CNKSR3: variants seen among roughly 807,000 people sequenced by gnomAD.
CNKSR3 encodes connector enhancer of kinase suppressor of ras 3.
In CNKSR3, 36 loss-of-function variants were observed where a neutral mutation model predicts 67.7. The observed-to-expected ratio is 0.53, with a 90% confidence interval of 0.41 to 0.70. The LOEUF is 0.70. Among genes scored for constraint, CNKSR3 ranks in the 30% least tolerant of loss-of-function variants. The pLI is 0.00. For missense variants in CNKSR3, 630 were observed against 695.2 expected (o/e 0.91, Z 1.05); for synonymous variants, 281 against 271.4 (o/e 1.04, Z -0.35).
At chr6:154,468,703 G>A (rs143034206) in intron 1 of CNKSR3, among the ~76,000 whole-genome samples, 3 of 151,970 alleles carry the variant, frequency 2.0e-5, no homozygotes, top group South Asian at 2.1e-4. Context: ...AAGAACGAAC[G>A]CCTCCCCACA....
chr6:154,490,255 T>C (rs1562356123), intron 1 of CNKSR3, among the ~76,000 whole-genome samples: 1 of 152,212 alleles, frequency 6.6e-6, no homozygotes, highest in East Asian at 1.9e-4. Context: ...TCCCCTACAG[T>C]AGGGTGACTG....
intron 11 of CNKSR3, among the ~76,000 whole-genome samples, chr6:154,410,648 T>C (rs780239011): frequency 1.1e-4 from 16 of 152,034 alleles, no homozygotes; most frequent in Non-Finnish European, 1.2e-4. Flanking sequence ...AGCCTGTGAG[T>C]CTACAGAGCA....
At chr6:154,422,882 G>A (rs773897708) in intron 8 of CNKSR3, 33 bp downstream of exon 8, 1 of 1,516,236 alleles carries the variant, frequency 6.6e-7, no homozygotes, top group Non-Finnish European at 9.0e-7. Context: ...AAAGTTTTAA[G>A]GAGGAAAATT....
Position 154,406,565 on chromosome 6 carries a change from CTGGAGAACCGGTA to C in CNKSR3, c.1444_1456del (p.Tyr482AspfsTer68). 1 of 1,614,200 alleles carries C rather than the reference CTGGAGAACCGGTA, an allele frequency of 6.2e-7. No homozygotes were observed. The highest frequency in any genetic ancestry group is 8.5e-7 in the Non-Finnish European group (1 of 1,180,034). ...GACCAGATGCCGCTCGGTCGTGGGT[CTGGAGAACCGGTA>C]TGGGGGAGAGGAGCTCTCTTCAATG... On this transcript the variant is annotated frameshift_variant, in exon 13 of 13. Coordinates refer to ENST00000607772, the MANE Select transcript of CNKSR3 (RefSeq NM_173515.4). LOFTEE classifies it high-confidence loss of function.
At position 154,406,559 on chromosome 6, in the gene CNKSR3, G is replaced by A. The variant is rs762240941; in HGVS notation, c.1463C>T (p.Thr488Met). The change falls in exon 13 of 13, where the codon ACG becomes ATG. Residue 488 changes from threonine (T) to methionine (M), a missense_variant. Physicochemically the swap from Thr to Met is moderately conservative, Grantham distance 81. Around this residue, in one of 3 missense-constraint regions of CNKSR3, gnomAD observed 308 missense variants for 299.6 expected, o/e 1.03. Coordinates refer to ENST00000607772, the MANE Select transcript of CNKSR3 (RefSeq NM_173515.4). ...SSPPYRFSRPTTERHLVRGAD... is the reference protein window; with the variant it reads ...SSPPYRFSRPMTERHLVRGAD... ...ACCCCGGACCAGATGCCGCTCGGTC[G>A]TGGGTCTGGAGAACCGGTATGGGGG... is the stretch of plus-strand genomic sequence containing the variant. The A allele has an allele frequency of 2.8e-5, 45 of 1,614,082 alleles. 1 individual carries two copies. Among genetic ancestry groups the A allele is most frequent in the Admixed American group, 2.5e-4 (15 of 60,006 alleles).
intron 1 of CNKSR3, among the ~76,000 whole-genome samples, chr6:154,464,048 T>C (rs530941097): frequency 6.6e-6 from 1 of 152,294 alleles, no homozygotes; most frequent in Middle Eastern, 3.4e-3. Context: ...GCAAAAGTAG[T>C]GTTTCTGAGG....
intron 1 of CNKSR3, among the ~76,000 whole-genome samples, chr6:154,479,266 G>A (rs1351270665): frequency 6.6e-6 from 1 of 151,976 alleles, no homozygotes; most frequent in East Asian, 1.9e-4. Flanking sequence ...ACTGTTACTT[G>A]AGTTTCCATT....
chr6:154,423,793 ATTGC>A lies in CNKSR3; in HGVS notation c.730-814_730-811del, dbSNP rs1486932820. Among the ~76,000 whole-genome samples, 4 of 152,298 alleles carry A rather than the reference ATTGC, an allele frequency of 2.6e-5. No homozygotes were observed. In the East Asian group the frequency reaches 7.7e-4, roughly 29 times the overall value. On this transcript the variant is annotated intron_variant, in intron 7 of 12. Coordinates refer to ENST00000607772, the MANE Select transcript of CNKSR3 (RefSeq NM_173515.4). ...AAATAGAAAGTTGGTGGCAACAGAA[ATTGC>A]TTTAAAGAAAATGAATTTAGTTTTC...
At chr6:154,407,250 T>G (rs1191557026) in intron 12 of CNKSR3, among the ~76,000 whole-genome samples, 1 of 152,202 alleles carries the variant, frequency 6.6e-6, no homozygotes, top group East Asian at 1.9e-4. Context: ...TGAACAGAAC[T>G]GTTTATGCAT....
chr6:154,474,687 T>C (rs1582889791), intron 1 of CNKSR3, among the ~76,000 whole-genome samples: 1 of 152,150 alleles, frequency 6.6e-6, no homozygotes. Flanking sequence ...AGCCGTAGAC[T>C]ATAGTGTCAT....
At chr6:154,505,496 ATTT>A (rs779033286) in intron 1 of CNKSR3, among the ~76,000 whole-genome samples, 6,713 of 138,490 alleles carry the variant, frequency 0.048, 240 homozygotes, top group Middle Eastern at 0.076. Context: ...TATTATTATT[ATTT>A]TTTTTTTTTT....
chr6:154,429,435 C>T (rs1280547406), intron 6 of CNKSR3, among the ~76,000 whole-genome samples: 2 of 152,192 alleles, frequency 1.3e-5, no homozygotes, highest in Non-Finnish European at 2.9e-5. Flanking sequence ...GCTGGTATAA[C>T]TTTACCATCT....
At chr6:154,503,383 TG>T in intron 1 of CNKSR3, among the ~76,000 whole-genome samples, 1 of 152,064 alleles carries the variant, frequency 6.6e-6, no homozygotes, top group Non-Finnish European at 1.5e-5. Context: ...TCCAACACTT[TG>T]GGAGACCGAG....
chr6:154,441,260 A>AAAAAAAAAG (rs1554233441), intron 4 of CNKSR3, 32 bp downstream of exon 4: 3 of 1,259,576 alleles, frequency 2.4e-6, no homozygotes, highest in Admixed American at 2.2e-5. Flanking sequence ...AAAAAAAAAA[A>AAAAAAAAAG]AAAAAGAAAG....
chr6:154,395,409 T>C lies in CNKSR3; in HGVS notation c.*10945A>G, dbSNP rs1048113159. 6 of 152,202 alleles carry C rather than the reference T, an allele frequency of 3.9e-5. No homozygotes were observed. The highest frequency in any genetic ancestry group is 8.8e-5 in the Non-Finnish European group (6 of 68,030). The allele number at this position is 152,202 out of a possible 1,614,324, so 9.4% of individuals were successfully genotyped here. A position where few individuals can be genotyped will look rare whatever the true frequency, so the allele number is the denominator to read the frequency against. On this transcript the variant is annotated 3_prime_UTR_variant, in exon 13 of 13. Transcript: ENST00000607772. Reference sequence around the variant, plus strand: ...ACCACCCAGGATCTCTTTATTTTAATTTGTTTTCTTTGTTGAACTGCATCA... The same window carrying C: ...ACCACCCAGGATCTCTTTATTTTAACTTGTTTTCTTTGTTGAACTGCATCA...
chr6:154,461,244 G>A (rs1006957030), intron 1 of CNKSR3, among the ~76,000 whole-genome samples: 3 of 152,022 alleles, frequency 2.0e-5, no homozygotes, highest in Non-Finnish European at 2.9e-5. Context: ...GACAGAACCC[G>A]GACCTCAACT....
intron 1 of CNKSR3, among the ~76,000 whole-genome samples, chr6:154,485,450 A>G (rs1786647989): frequency 6.6e-6 from 1 of 152,202 alleles, no homozygotes; most frequent in Non-Finnish European, 1.5e-5. Context: ...AAATATAGAA[A>G]CAGTTTTTTC....
intron 1 of CNKSR3, among the ~76,000 whole-genome samples, chr6:154,498,809 C>A (rs147433205): frequency 2.0e-4 from 31 of 152,312 alleles, no homozygotes; most frequent in Non-Finnish European, 4.0e-4. Flanking sequence ...CTTTGAAATG[C>A]AACATGTTTG....
At chr6:154,454,821 A>C (rs1342009465) in intron 1 of CNKSR3, among the ~76,000 whole-genome samples, 2 of 151,518 alleles carry the variant, frequency 1.3e-5, no homozygotes, top group African/African-American at 4.9e-5. Context: ...TATACCTGGC[A>C]GAAAAAAAAA....
Sources: gnomAD v4.1 joint callset for allele counts (sites outside exome capture counted in the v4.1 genomes callset) on GRCh38, gnomAD v4.1.1 for gene constraint, gnomAD v4.1.1 regional missense constraint, MANE v1.5 for transcripts, NCBI Gene and HGNC (gene_info 2026-07-23, HGNC 2026-07-21) for gene names.